ROBO1: variants seen among roughly 807,000 people sequenced by gnomAD.
ROBO1 encodes roundabout homolog 1.
ROBO1 carries 149 observed loss-of-function variants against 195.9 expected under a neutral mutation model. The ratio of observed to expected loss-of-function variants is 0.76; its 90% confidence interval spans 0.67 to 0.87. The LOEUF is 0.87. ROBO1 is among the 40% of genes least tolerant of loss of function. ROBO1 has a pLI of 0.00. For missense variants in ROBO1, 1,933 were observed against 2,068.3 expected (o/e 0.93, Z 1.27); for synonymous variants, 816 against 733.2 (o/e 1.11, Z -1.82).
intron 5 of ROBO1, among the ~76,000 whole-genome samples, chr3:78,738,932 C>T (rs888411753): frequency 6.6e-6 from 1 of 151,992 alleles, no homozygotes; most frequent in Non-Finnish European, 1.5e-5. Context: ...ATTCTTTCCC[C>T]ATCATCTAAA....
rs72893948 is a variant in ROBO1, at chr3:79,658,589, T to A, written c.-50-68628A>T. Among the ~76,000 whole-genome samples, 1,134 of 152,124 alleles carry A rather than the reference T, an allele frequency of 7.5e-3. 12 individuals are homozygous for A. The highest frequency in any genetic ancestry group is 0.026 in the African/African-American group (1,072 of 41,532). On this transcript the variant is annotated intron_variant, in intron 1 of 30. Transcript: ENST00000464233. Reference sequence around the variant, plus strand: ...TATTTATGTATTTATTTTACTTTTTTATTTTTAATTTTTATGGATACATAG... The same window carrying A: ...TATTTATGTATTTATTTTACTTTTTAATTTTTAATTTTTATGGATACATAG...
intron 1 of ROBO1, among the ~76,000 whole-genome samples, chr3:79,613,833 T>A (rs1227699522): frequency 6.6e-5 from 10 of 152,022 alleles, no homozygotes; most frequent in Non-Finnish European, 7.4e-5. Flanking sequence ...CGGAGAAAGA[T>A]GTGTCATGAA....
At chr3:78,797,811 C>A (rs557615146) in intron 4 of ROBO1, among the ~76,000 whole-genome samples, 2 of 151,728 alleles carry the variant, frequency 1.3e-5, no homozygotes, top group African/African-American at 4.8e-5. Flanking sequence ...ATAAAATAAC[C>A]CTGAAAATCA....
chr3:79,291,301 T>C (rs2032232459), intron 2 of ROBO1, among the ~76,000 whole-genome samples: 1 of 152,178 alleles, frequency 6.6e-6, no homozygotes. Context: ...CTAATCATAG[T>C]AAACTGGATC....
At chr3:79,036,393 G>C (rs1339407369) in intron 3 of ROBO1, among the ~76,000 whole-genome samples, 1 of 152,110 alleles carries the variant, frequency 6.6e-6, no homozygotes, top group East Asian at 1.9e-4. Flanking sequence ...GTGGCAGAAA[G>C]AGCTAAATAT....
At chr3:79,274,902 T>C (rs2030898060) in intron 2 of ROBO1, among the ~76,000 whole-genome samples, 1 of 151,996 alleles carries the variant, frequency 6.6e-6, no homozygotes, top group African/African-American at 2.4e-5. Flanking sequence ...AATAAATTCC[T>C]AGAAACATAC....
chr3:78,908,363 T>C (rs2038052233), intron 4 of ROBO1, among the ~76,000 whole-genome samples: 1 of 151,886 alleles, frequency 6.6e-6, no homozygotes. Flanking sequence ...ATTCCAAAAC[T>C]AAGGAACTGC....
intron 4 of ROBO1, among the ~76,000 whole-genome samples, chr3:78,811,816 C>T (rs540521050): frequency 6.6e-6 from 1 of 152,166 alleles, no homozygotes; most frequent in Non-Finnish European, 1.5e-5. Context: ...TCTATAAGTT[C>T]TCTCTATCTC....
intron 3 of ROBO1, among the ~76,000 whole-genome samples, chr3:79,040,335 T>G (rs1476372943): frequency 6.6e-6 from 1 of 152,226 alleles, no homozygotes; most frequent in Non-Finnish European, 1.5e-5. Flanking sequence ...CATTGACTTC[T>G]TATTCATATA....
At chr3:79,281,691 A>G (rs2031517667) in intron 2 of ROBO1, among the ~76,000 whole-genome samples, 1 of 152,196 alleles carries the variant, frequency 6.6e-6, no homozygotes, top group Admixed American at 6.5e-5. Flanking sequence ...ATTAATGACA[A>G]CTGGATTTAT....
chr3:79,704,956 T>C (rs1400746300), intron 1 of ROBO1, among the ~76,000 whole-genome samples: 1 of 152,046 alleles, frequency 6.6e-6, no homozygotes, highest in Non-Finnish European at 1.5e-5. Context: ...CTTCTTTTCA[T>C]GTGCTTATTT....
At chr3:79,293,241 TTTA>T (rs1216220617) in intron 2 of ROBO1, among the ~76,000 whole-genome samples, 1 of 152,214 alleles carries the variant, frequency 6.6e-6, no homozygotes, top group Non-Finnish European at 1.5e-5. Flanking sequence ...CTTTATCATT[TTTA>T]TTGTGTCTAT....
intron 2 of ROBO1, among the ~76,000 whole-genome samples, chr3:79,139,976 C>T (rs749666405): frequency 1.3e-5 from 2 of 152,074 alleles, no homozygotes; most frequent in Non-Finnish European, 2.9e-5. Context: ...AAAAATGGCA[C>T]AATAGCAATA....
At chr3:79,568,496 C>G (rs1248936256) in intron 2 of ROBO1, among the ~76,000 whole-genome samples, 2 of 133,506 alleles carry the variant, frequency 1.5e-5, no homozygotes, top group Non-Finnish European at 3.2e-5. Context: ...AAAAAAAAAA[C>G]AGATTGATTG....
At chr3:79,078,061 GT>G (rs1299418351) in intron 3 of ROBO1, among the ~76,000 whole-genome samples, 3 of 151,722 alleles carry the variant, frequency 2.0e-5, no homozygotes, top group Admixed American at 2.0e-4. Flanking sequence ...ACTTATCTTT[GT>G]GATTCTAATA....
intron 3 of ROBO1, among the ~76,000 whole-genome samples, chr3:79,041,339 A>G (rs1193189598): frequency 6.6e-6 from 1 of 152,092 alleles, no homozygotes; most frequent in Non-Finnish European, 1.5e-5. Flanking sequence ...TCATCTTTGT[A>G]TATCCAAGAC....
intron 22 of ROBO1, among the ~76,000 whole-genome samples, chr3:78,638,427 T>A (rs1048827756): frequency 6.6e-6 from 1 of 151,872 alleles, no homozygotes; most frequent in Non-Finnish European, 1.5e-5. Flanking sequence ...TTTATTTAAA[T>A]TTTTTTGTTA....
chr3:79,152,901 G>T (rs868574514), intron 2 of ROBO1, among the ~76,000 whole-genome samples: 1 of 151,814 alleles, frequency 6.6e-6, no homozygotes, highest in Middle Eastern at 3.4e-3. Flanking sequence ...ATGTTCAAAG[G>T]TCCTGAGTTG....
chr3:78,749,156 A>T (rs2082728873), intron 4 of ROBO1, among the ~76,000 whole-genome samples: 2 of 152,194 alleles, frequency 1.3e-5, no homozygotes, highest in African/African-American at 4.8e-5. Flanking sequence ...AATCAATGAT[A>T]ACATCTCTGA....
Sources: gnomAD v4.1 joint callset for allele counts (sites outside exome capture counted in the v4.1 genomes callset) on GRCh38, gnomAD v4.1.1 for gene constraint, MANE v1.5 for transcripts, NCBI Gene and HGNC (gene_info 2026-07-23, HGNC 2026-07-21) for gene names.